Variants in LGSN observed in about 807,000 individuals in gnomAD.
LGSN encodes the protein lengsin, lens protein with glutamine synthetase domain.
In LGSN, 21 loss-of-function variants were observed where a neutral mutation model predicts 19.5. The ratio of observed to expected loss-of-function variants is 1.07; its 90% CI spans 0.76 to 1.55. The LOEUF (loss-of-function observed/expected upper bound fraction) is 1.55. Ranked by LOEUF, LGSN falls within the 40% of genes most tolerant of loss-of-function variation. The probability of loss-of-function intolerance (pLI) is 0.00; values close to 1 mark genes in which losing one functional copy is unlikely to be tolerated. For missense variants in LGSN, 673 were observed against 608.5 expected, an observed-to-expected ratio of 1.11 and a Z score of -1.12; for synonymous variants, 257 against 215.6, an observed-to-expected ratio of 1.19 and a Z score of -1.68.
the LGSN span, among the ~76,000 whole-genome samples, chr6:63,412,474 G>GA: frequency 1.2e-3 from 118 of 96,740 alleles, 2 homozygotes; most frequent in African/African-American, 3.4e-3. Context: ...AAAAGAGAGA[G>GA]AAGAAAGAGA....
At chr6:63,529,100 T>C in the LGSN span, among the ~76,000 whole-genome samples, 4 of 148,206 alleles carry the variant, frequency 2.7e-5, no homozygotes, top group Admixed American at 6.8e-5. Flanking sequence ...AAAATATATA[T>C]ATGTGTGTAT....
chr6:63,414,441 G>A, the LGSN span, among the ~76,000 whole-genome samples: 22 of 152,130 alleles, frequency 1.4e-4, no homozygotes, highest in African/African-American at 5.3e-4. Context: ...TCTTAAGAGA[G>A]TAGATATGTA....
intron 3 of LGSN, among the ~76,000 whole-genome samples, chr6:63,284,723 A>G (rs1767456695): frequency 6.6e-6 from 1 of 152,212 alleles, no homozygotes; most frequent in Non-Finnish European, 1.5e-5. Flanking sequence ...TCTTGCCTGA[A>G]TGACAAGGAA....
Position 63,280,241 on chromosome 6 carries a change from A to T in LGSN, c.1310T>A (p.Val437Asp), listed in dbSNP as rs1767240542. Residue 437 changes from valine to aspartate, a missense_variant, in exon 4 of 4, where the codon GTC (valine) becomes GAC (aspartate). By Grantham distance (152) the Val-to-Asp change is radical. Transcript: ENST00000370657. ...GLDGLHSSNE[V>D]LAGPDESTDF... Reference sequence around the variant, plus strand: ...TGTGCTCTCATCTGGACCAGCCAAGACCTCATTACTGCTATGAAGTCCATC... The same window carrying T: ...TGTGCTCTCATCTGGACCAGCCAAGTCCTCATTACTGCTATGAAGTCCATC... 1 of 1,614,084 alleles carries T rather than the reference A, an allele frequency of 6.2e-7. No individual in the cohort carries two copies. The highest frequency in any genetic ancestry group is 1.3e-5 in the African/African-American group (1 of 74,922).
At chr6:63,441,759 C>A in the LGSN span, 3 of 375,902 alleles carry the variant, frequency 8.0e-6, no homozygotes, top group East Asian at 2.1e-4. Flanking sequence ...GAATCCTGCC[C>A]CTGCAAGCCA....
chr6:63,332,579 G>A, the LGSN span, among the ~76,000 whole-genome samples: 1 of 152,156 alleles, frequency 6.6e-6, no homozygotes, highest in East Asian at 1.9e-4. Flanking sequence ...AAGAGTTGGG[G>A]GTTGTTAGAG....
chr6:63,293,536 G>A (rs1342171851), intron 2 of LGSN: 1 of 278,366 alleles, frequency 3.6e-6, no homozygotes, highest in African/African-American at 2.2e-5. Flanking sequence ...AAAAATCTTT[G>A]TAAGTGTTCT....
the LGSN span, among the ~76,000 whole-genome samples, chr6:63,494,078 T>C: frequency 6.6e-6 from 1 of 151,708 alleles, no homozygotes; most frequent in Non-Finnish European, 1.5e-5. Flanking sequence ...GCCTCCCAAG[T>C]AGCTGGGATT....
the LGSN span, among the ~76,000 whole-genome samples, chr6:63,470,543 A>G: frequency 6.6e-6 from 1 of 152,066 alleles, no homozygotes; most frequent in Admixed American, 6.6e-5. Flanking sequence ...ATAAATATAT[A>G]TATTTTTTAT....
At chr6:63,452,054 C>CT in the LGSN span, among the ~76,000 whole-genome samples, 228 of 131,766 alleles carry the variant, frequency 1.7e-3, 1 homozygote, top group South Asian at 5.4e-3. Context: ...GTTTTCTTGT[C>CT]TTTTTTTTTT....
At chr6:63,425,288 G>A in the LGSN span, among the ~76,000 whole-genome samples, 72,095 of 152,014 alleles carry the variant, frequency 0.47, 18,357 homozygotes, top group Non-Finnish European at 0.54. Flanking sequence ...AAGACATAAA[G>A]ACCAATGTTC....
At chr6:63,572,467 G>T in the LGSN span, 46 of 386,472 alleles carry the variant, frequency 1.2e-4, no homozygotes, top group Non-Finnish European at 1.9e-4. Flanking sequence ...GGGAGGGCTT[G>T]TGACGCAAGG....
At chr6:63,437,154 AGAAG>A in the LGSN span, among the ~76,000 whole-genome samples, 1 of 112,118 alleles carries the variant, frequency 8.9e-6, no homozygotes, top group African/African-American at 3.5e-5. Context: ...AGAAAGAGAG[AGAAG>A]GGAGGGAGGG....
chr6:63,472,723 G>T, the LGSN span, among the ~76,000 whole-genome samples: 60 of 151,868 alleles, frequency 4.0e-4, no homozygotes, highest in African/African-American at 1.4e-3. Flanking sequence ...GGCAGATCAT[G>T]AGGACAGGAG....
rs1340138110 is a variant in LGSN, at chr6:63,276,012, C to A, written c.*4009G>T. On this transcript the variant is annotated 3_prime_UTR_variant, in exon 4 of 4. Coordinates refer to ENST00000370657, the MANE Select transcript of LGSN (RefSeq NM_016571.3). ...ATCCTAATTAGCAATTAGGAAGTAT[C>A]ATGTAAACCCCTAATTATAGGCAGC... is the stretch of plus-strand genomic sequence containing the variant. 6.6e-6 allele frequency: 1 copy of A among 152,198 alleles called. No homozygotes were observed. The highest frequency in any genetic ancestry group is 2.4e-5 in the African/African-American group (1 of 41,444). 9.4% of individuals were successfully genotyped at this position (152,198 alleles called of 1,614,324 possible).
chr6:63,334,865 G>A, the LGSN span, among the ~76,000 whole-genome samples: 10 of 152,042 alleles, frequency 6.6e-5, no homozygotes, highest in African/African-American at 1.7e-4. Flanking sequence ...TGGGCTGGGC[G>A]CAGTGGCTCA....
At chr6:63,408,143 T>G in the LGSN span, among the ~76,000 whole-genome samples, 1 of 152,208 alleles carries the variant, frequency 6.6e-6, no homozygotes, top group Non-Finnish European at 1.5e-5. Flanking sequence ...CTCATCAAGC[T>G]ACCCATGACT....
the LGSN span, among the ~76,000 whole-genome samples, chr6:63,493,338 GA>G: frequency 6.6e-6 from 1 of 152,176 alleles, no homozygotes; most frequent in Admixed American, 6.6e-5. Context: ...AAAATTTAAT[GA>G]AATGTAATCA....
chr6:63,430,510 T>A, the LGSN span, among the ~76,000 whole-genome samples: 1 of 152,108 alleles, frequency 6.6e-6, no homozygotes, highest in Non-Finnish European at 1.5e-5. Flanking sequence ...TGCCTCAGAC[T>A]CCTGAGTGGC....
Sources: allele counts gnomAD v4.1 joint callset (sites outside exome capture counted in the v4.1 genomes callset), GRCh38; gene constraint gnomAD v4.1.1; transcripts MANE v1.5; gene names NCBI Gene and HGNC (gene_info 2026-07-23, HGNC 2026-07-21).